The following PSMD3 variants were observed in gnomAD, a reference collection of about 807,000 sequenced individuals.
PSMD3 encodes the protein proteasome 26S subunit, non-ATPase 3, also known as 26S proteasome non-ATPase regulatory subunit 3.
In PSMD3, 5 loss-of-function variants were observed where a neutral mutation model predicts 62.8. The ratio of observed to expected loss-of-function variants is 0.08; its 90% CI spans 0.04 to 0.17. The LOEUF (loss-of-function observed/expected upper bound fraction) is 0.17, where lower values mean the gene tolerates loss of function less well. PSMD3 is among the 10% of genes least tolerant of loss of function. The pLI, the probability that PSMD3 is intolerant of heterozygous loss-of-function variation, is 1.00. For missense variants in PSMD3, 524 were observed against 713.6 expected, an observed-to-expected ratio of 0.73 and a Z score of 3.03; for synonymous variants, 265 against 283.9, an observed-to-expected ratio of 0.93 and a Z score of 0.67.
chr17:39,990,209 C>A lies in PSMD3; in HGVS notation c.981+12C>A. 2 of 1,566,028 alleles carry A rather than the reference C, an allele frequency of 1.3e-6. No individual in the cohort carries two copies. Among genetic ancestry groups the A allele is most frequent in the Non-Finnish European group, 1.7e-6 (2 of 1,142,946 alleles). ...GCTTCAAACAGACGGTGAGCCACAA[C>A]TACCATCATCCCTTTGCCTCTTTTT... On this transcript the variant is annotated intron_variant, in intron 6 of 11. Transcript: ENST00000264639.
At chr17:39,982,194 A>C (rs893060006) in intron 1 of PSMD3, among the ~76,000 whole-genome samples, 1 of 152,240 alleles carries the variant, frequency 6.6e-6, no homozygotes, top group Non-Finnish European at 1.5e-5. Context: ...TGTAAAGTTG[A>C]GCAACAGGAT....
At chr17:39,992,033 A>AAAAAAAAAAC (rs1555659107) in intron 6 of PSMD3, among the ~76,000 whole-genome samples, 1 of 151,652 alleles carries the variant, frequency 6.6e-6, no homozygotes, top group Non-Finnish European at 1.5e-5. Context: ...TCAAAAAAAA[A>AAAAAAAAAAC]CAAACATTAA....
Position 39,995,558 on chromosome 17 carries a change from G to A in PSMD3, c.1320+31G>A. The A allele has an allele frequency of 6.3e-7, 1 of 1,575,212 alleles. No individual in the cohort carries two copies. Among genetic ancestry groups the A allele is most frequent in the African/African-American group, 1.3e-5 (1 of 74,110 alleles). ...GCTGGTTCAGGAACCACAGTGACCA[G>A]GTTGTCACTTTCCTGCCAATCTCAG... On this transcript the variant is annotated intron_variant, in intron 9 of 11. Coordinates refer to ENST00000264639, the MANE Select transcript of PSMD3 (RefSeq NM_002809.4). The surrounding 1 kb of genome is among the most constrained non-coding windows in gnomAD (Gnocchi z 4.1).
Position 39,996,142 on chromosome 17 carries a change from G to A in PSMD3, c.1321-41G>A. The stretch of plus-strand genomic sequence containing the variant: ...TCTCAAAAAAAAAAAAAAAGAAGAA[G>A]CTGGGTGTGCTGGTGAACTTTCCTC... On this transcript the variant is annotated intron_variant, in intron 9 of 11. Coordinates refer to ENST00000264639, the MANE Select transcript of PSMD3 (RefSeq NM_002809.4). This position sits in a 1 kb window ranked among gnomAD's most constrained non-coding sequence, Gnocchi z 5.1. 1 of 1,602,978 alleles carries A rather than the reference G, an allele frequency of 6.2e-7. No individual in the cohort carries two copies. Among genetic ancestry groups the A allele is most frequent in the African/African-American group, 1.3e-5 (1 of 74,150 alleles).
rs1383392556 is a variant in PSMD3 at position 39,997,590 on chromosome 17, G to A, written c.*9G>A. 2.5e-6 allele frequency: 4 copies of A among 1,612,566 alleles called. No homozygotes were observed. The highest frequency in any genetic ancestry group is 2.5e-6 in the Non-Finnish European group (3 of 1,178,838). ...ATGACAGCTTCCCTTGAGCTGGGGG[G>A]CTGGGGAGGGGTAGGGGGAATGGGG... On this transcript the variant is annotated 3_prime_UTR_variant, in exon 12 of 12. Transcript: ENST00000264639.
intron 6 of PSMD3, chr17:39,994,589 C>T (rs139603064): frequency 9.5e-4 from 272 of 285,774 alleles, no homozygotes; most frequent in African/African-American, 5.5e-3. Flanking sequence ...ACACACGTTC[C>T]GTTCTCCAGG....
At chr17:39,986,840 C>T in intron 3 of PSMD3, 128 bp downstream of exon 3, 1 of 1,274,382 alleles carries the variant, frequency 7.8e-7, no homozygotes, top group South Asian at 1.4e-5. Context: ...ACACTCTTTC[C>T]CCATAGAGGT....
intron 4 of PSMD3, 123 bp from the exon 5 acceptor site, chr17:39,989,616 C>G (rs1459977559): frequency 1.1e-6 from 1 of 949,506 alleles, no homozygotes; most frequent in Non-Finnish European, 1.6e-6. Context: ...TAACAGTATT[C>G]AGCAAATAAC....
In PSMD3 at chr17:39,980,872, C is replaced by A. The variant is rs1002762638; in HGVS notation, c.-99C>A. ...CATCGTGCGGCCCGACGCTATCTCG[C>A]GCTCGTGTGCAGGCCCGGCTCGGCT... On this transcript the variant is annotated 5_prime_UTR_variant, in exon 1 of 12. Transcript: ENST00000264639. The A allele has an allele frequency of 1.6e-5, 17 of 1,088,116 alleles. No homozygotes were observed. The African/African-American group carries it at 2.2e-4, about 14-fold the overall frequency. 67.4% of individuals were successfully genotyped at this position (1,088,116 alleles called of 1,614,324 possible). A position where few individuals can be genotyped will look rare whatever the true frequency, so the allele number is the denominator to read the frequency against.
rs769489544 is a variant in PSMD3, at chr17:39,984,343, G to T, written c.270G>T (p.Glu90Asp). Residue 90 changes from glutamate (E) to aspartate (D), a missense_variant, in exon 2 of 12, where the codon GAG (glutamate) becomes GAT (aspartate). Physicochemically the swap from Glu to Asp is conservative, Grantham distance 45 (BLOSUM62 2). This residue lies in a region of PSMD3 where 396 missense variants were observed against 475.8 expected (regional missense o/e 0.83). Transcript: ENST00000264639. ...KQLEKAVSGK[E>D]PRFVLRALRM... ...TAGAGAAAGCGGTTTCAGGCAAGGAGCCGAGATTCGTGCTGCGGGCCCTGC... is the reference window on the plus strand; with the variant it reads ...TAGAGAAAGCGGTTTCAGGCAAGGATCCGAGATTCGTGCTGCGGGCCCTGC... 1 of 1,613,742 alleles carries T rather than the reference G, an allele frequency of 6.2e-7. No individual in the cohort carries two copies. Among genetic ancestry groups the T allele is most frequent in the Non-Finnish European group, 8.5e-7 (1 of 1,180,026 alleles).
chr17:39,983,632 A>G (rs1248788841), intron 1 of PSMD3, among the ~76,000 whole-genome samples: 1 of 152,172 alleles, frequency 6.6e-6, no homozygotes, highest in African/African-American at 2.4e-5. Context: ...CAAGCCCATT[A>G]ATCTTTTGTG....
At position 39,985,598 on chromosome 17, in the gene PSMD3, CTCAG is replaced by C. The variant is rs1246861566; in HGVS notation, c.412-972_412-969del. 3.9e-5 allele frequency among the ~76,000 whole-genome samples: 6 copies of C among 152,360 alleles called. No homozygotes were observed. In the East Asian group the frequency reaches 1.2e-3, roughly 29 times the overall value. On this transcript the variant is annotated intron_variant, in intron 2 of 11. Coordinates refer to ENST00000264639, the MANE Select transcript of PSMD3 (RefSeq NM_002809.4). ...CTGCATTTCCTTAAAATCCTGTATA[CTCAG>C]TCAGCTCCGTGGATGGGGAAACTCA...
At chr17:39,990,043 G>T in intron 5 of PSMD3, 51 bp from the exon 6 acceptor site, 1 of 1,597,640 alleles carries the variant, frequency 6.3e-7, no homozygotes, top group Admixed American at 1.7e-5. Flanking sequence ...TGTCGGTGGG[G>T]AGTTGGATGA....
intron 6 of PSMD3, 109 bp from the exon 7 acceptor site, chr17:39,994,845 T>G (rs963985862): frequency 1.1e-6 from 1 of 902,294 alleles, no homozygotes; most frequent in African/African-American, 1.6e-5. Context: ...TAAACAGTGA[T>G]CCCTTTCCCT....
intron 1 of PSMD3, among the ~76,000 whole-genome samples, chr17:39,982,928 G>T (rs1980422553): frequency 6.6e-6 from 1 of 152,212 alleles, no homozygotes; most frequent in African/African-American, 2.4e-5. Context: ...CTATATGCCT[G>T]AGTTTAAAAG....
rs1265640976 is a variant in PSMD3, at chr17:39,996,508, C to T, written c.1476+170C>T. Among the ~76,000 whole-genome samples, 1 of 152,172 alleles carries T rather than the reference C, an allele frequency of 6.6e-6. No individual in the cohort carries two copies. Among genetic ancestry groups the T allele is most frequent in the Non-Finnish European group, 1.5e-5 (1 of 68,038 alleles). ...GCCCAGAATGGGGAGGGGACTTGGC[C>T]ATAGTTCCATAGCCAGTTGCCCTCT... On this transcript the variant is annotated intron_variant, in intron 10 of 11. Transcript: ENST00000264639. The surrounding 1 kb of genome is among the most constrained non-coding windows in gnomAD (Gnocchi z 5.1).
chr17:39,984,773 G>T (rs781476002), intron 2 of PSMD3, among the ~76,000 whole-genome samples: 2 of 152,124 alleles, frequency 1.3e-5, no homozygotes, highest in African/African-American at 4.8e-5. Flanking sequence ...TGACCTCTCT[G>T]TTGTTCTAGG....
At chr17:39,997,478 T>C (rs994117653) in intron 11 of PSMD3, 26 bp from the exon 12 acceptor site, 13 of 1,613,784 alleles carry the variant, frequency 8.1e-6, no homozygotes, top group African/African-American at 2.7e-5. Context: ...CTCTGAAGCT[T>C]TGGCCTCACT....
At chr17:39,992,729 A>C (rs900446915) in intron 6 of PSMD3, among the ~76,000 whole-genome samples, 5 of 151,840 alleles carry the variant, frequency 3.3e-5, no homozygotes, top group Admixed American at 2.6e-4. Context: ...TGTTTGCTTC[A>C]GTCTCCGGGA....
Sources: gnomAD v4.1 joint callset for allele counts (sites outside exome capture counted in the v4.1 genomes callset) on GRCh38, gnomAD v4.1.1 for gene constraint, gnomAD v4.1.1 regional missense constraint, Gnocchi (gnomAD v3.1) non-coding constraint, MANE v1.5 for transcripts, NCBI Gene and HGNC (gene_info 2026-07-23, HGNC 2026-07-21) for gene names.